The following BPI variants were observed in gnomAD, a reference collection of about 807,000 sequenced individuals.
BPI encodes the protein bactericidal permeability increasing protein.
Under a neutral mutation model 57.6 loss-of-function variants are expected in BPI, and 48 were observed. The observed-to-expected ratio is 0.83, with a 90% confidence interval of 0.66 to 1.06. The LOEUF (loss-of-function observed/expected upper bound fraction) is 1.06, where lower values mean the gene tolerates loss of function less well. Ranked by LOEUF, BPI falls within the 50% of genes least tolerant of loss-of-function variation. The pLI, the probability that BPI is intolerant of heterozygous loss-of-function variation, is 0.00. For missense variants in BPI, 651 were observed against 609.7 expected, an observed-to-expected ratio of 1.07 and a Z score of -0.71; for synonymous variants, 237 against 238.2, an observed-to-expected ratio of 0.99 and a Z score of 0.05.
chr20:38,337,233 C>T lies in BPI; in HGVS notation c.*49C>T. On this transcript the variant is annotated 3_prime_UTR_variant, in exon 15 of 15. Transcript: ENST00000642449. ...GTCAGCCACACCTGTTCCTGATGGG[C>T]TGTGGGGCACCGGCTGCCTTTCCCC... 6.7e-7 allele frequency: 1 copy of T among 1,496,202 alleles called. No homozygotes were observed. Among genetic ancestry groups the T allele is most frequent in the Non-Finnish European group, 9.0e-7 (1 of 1,108,474 alleles). The allele number at this position is 1,496,202 out of a possible 1,614,324, so 92.7% of individuals were successfully genotyped here. A position where few individuals can be genotyped will look rare whatever the true frequency, so the allele number is the denominator to read the frequency against.
intron 7 of BPI, among the ~76,000 whole-genome samples, chr20:38,322,634 G>C (rs1357526721): frequency 6.6e-6 from 1 of 152,172 alleles, no homozygotes; most frequent in Non-Finnish European, 1.5e-5. Context: ...TATTTGAGAT[G>C]GAGTTTTGTC....
At chr20:38,325,088 C>T (rs1433746912) in intron 9 of BPI, among the ~76,000 whole-genome samples, 1 of 152,142 alleles carries the variant, frequency 6.6e-6, no homozygotes, top group African/African-American at 2.4e-5. Flanking sequence ...TATTGAATGC[C>T]CACCATGTGC....
At chr20:38,314,199 A>ATGGTGG (rs2076637796) in intron 5 of BPI, among the ~76,000 whole-genome samples, 1 of 115,314 alleles carries the variant, frequency 8.7e-6, no homozygotes, top group Non-Finnish European at 1.8e-5. Flanking sequence ...GGTGATGGTG[A>ATGGTGG]TGGTGGGGAT....
chr20:38,327,747 A>ATTGT (rs2076721082), intron 11 of BPI, 92 bp downstream of exon 11: 1 of 1,434,548 alleles, frequency 7.0e-7, no homozygotes, highest in Admixed American at 1.8e-5. Flanking sequence ...GAAGCACTGC[A>ATTGT]TTGTTGTTTT....
At chr20:38,330,934 C>G in intron 11 of BPI, 114 bp from the exon 12 acceptor site, 2 of 1,233,142 alleles carry the variant, frequency 1.6e-6, no homozygotes, top group Non-Finnish European at 2.3e-6. Flanking sequence ...GGAGTGGATA[C>G]TGGGTGGGAA....
intron 5 of BPI, among the ~76,000 whole-genome samples, chr20:38,314,150 A>G (rs1467952494): frequency 1.0e-4 from 9 of 89,002 alleles, no homozygotes; most frequent in East Asian, 4.0e-4. Flanking sequence ...TGGTGGTGAG[A>G]TTGAGGATGG....
At chr20:38,336,349 C>T (rs11905005) in intron 14 of BPI, among the ~76,000 whole-genome samples, 214 of 152,208 alleles carry the variant, frequency 1.4e-3, no homozygotes, top group African/African-American at 5.0e-3. Context: ...CTGCCACCTG[C>T]GTGCCACCCA....
At chr20:38,311,777 T>C in intron 4 of BPI, 97 bp from the exon 5 acceptor site, 2 of 1,261,106 alleles carry the variant, frequency 1.6e-6, no homozygotes, top group Admixed American at 1.7e-5. Context: ...AACCTGTTTC[T>C]AGGAGGGAAG....
At position 38,311,948 on chromosome 20, in the gene BPI, C is replaced by T; in HGVS notation, c.600+11C>T. On this transcript the variant is annotated intron_variant, in intron 5 of 14. Coordinates refer to ENST00000642449, the MANE Select transcript of BPI (RefSeq NM_001725.3). Reference sequence around the variant, plus strand: ...AAGATGAACAGCCAGGTAGGAGGGGCTCAGAGCCCCATCAGCAAACAGAGG... The same window carrying T: ...AAGATGAACAGCCAGGTAGGAGGGGTTCAGAGCCCCATCAGCAAACAGAGG... 1 of 1,613,478 alleles carries T rather than the reference C, an allele frequency of 6.2e-7. No individual in the cohort carries two copies. The highest frequency in any genetic ancestry group is 8.5e-7 in the Non-Finnish European group (1 of 1,179,646).
intron 5 of BPI, among the ~76,000 whole-genome samples, chr20:38,314,445 ATAAT>A (rs1222310002): frequency 1.1e-4 from 16 of 143,466 alleles, no homozygotes; most frequent in Admixed American, 2.1e-4. Context: ...GGGGATGATT[ATAAT>A]GATGATGGTG....
chr20:38,308,966 G>C lies in BPI; in HGVS notation c.282G>C (p.Gln94His). The change falls in exon 3 of 15, where the codon CAG (glutamine) becomes CAC (histidine). Residue 94 changes from glutamine (Q) to histidine (H), a missense_variant. Physicochemically the swap from Gln to His is conservative, Grantham distance 24. Coordinates refer to ENST00000642449, the MANE Select transcript of BPI (RefSeq NM_001725.3). ...GTGAATTCCAGCTTCCCAGTTCCCA[G>C]ATAAGCATGGTGCCCAATGTGGGCC... ...DIREFQLPSS[Q>H]ISMVPNVGLK... 1 of 1,614,212 alleles carries C rather than the reference G, an allele frequency of 6.2e-7. No homozygotes were observed. The highest frequency in any genetic ancestry group is 1.7e-5 in the Admixed American group (1 of 60,028).
intron 5 of BPI, among the ~76,000 whole-genome samples, chr20:38,316,698 C>T (rs61518189): frequency 0.13 from 19,168 of 152,146 alleles, 2,149 homozygotes; most frequent in East Asian, 0.52. Context: ...GTGGGGAGCA[C>T]ACCTCAGAAT....
At chr20:38,331,147 G>C in intron 12 of BPI, 57 bp downstream of exon 12, 1 of 1,566,886 alleles carries the variant, frequency 6.4e-7, no homozygotes, top group Non-Finnish European at 8.8e-7. Flanking sequence ...GCGGGGAGGG[G>C]GACATGTCAT....
intron 5 of BPI, among the ~76,000 whole-genome samples, chr20:38,313,111 A>C (rs1289411613): frequency 6.6e-6 from 1 of 152,176 alleles, no homozygotes; most frequent in African/African-American, 2.4e-5. Context: ...TAGGCCGGGC[A>C]TGGTGGCTCA....
intron 5 of BPI, among the ~76,000 whole-genome samples, chr20:38,313,106 C>T (rs550050122): frequency 1.3e-5 from 2 of 152,184 alleles, no homozygotes; most frequent in African/African-American, 2.4e-5. Flanking sequence ...GACATTAGGC[C>T]GGGCATGGTG....
chr20:38,330,953 A>G, intron 11 of BPI, 95 bp from the exon 12 acceptor site: 1 of 1,435,052 alleles, frequency 7.0e-7, no homozygotes, highest in Non-Finnish European at 9.7e-7. Flanking sequence ...AAAACCAGAC[A>G]GTATCCACCA....
intron 5 of BPI, among the ~76,000 whole-genome samples, chr20:38,313,211 C>T (rs2076629815): frequency 6.6e-6 from 1 of 151,986 alleles, no homozygotes; most frequent in South Asian, 2.1e-4. Context: ...TGGAGAAATC[C>T]TGTCTTTACT....
chr20:38,316,159 C>T (rs891883579), intron 5 of BPI, among the ~76,000 whole-genome samples: 4 of 152,052 alleles, frequency 2.6e-5, no homozygotes, highest in Admixed American at 2.6e-4. Flanking sequence ...CCCTTTCTTC[C>T]TTCCATCCCT....
intron 9 of BPI, among the ~76,000 whole-genome samples, chr20:38,325,903 G>T (rs746566292): frequency 2.0e-5 from 3 of 152,340 alleles, no homozygotes; most frequent in Non-Finnish European, 4.4e-5. Flanking sequence ...AGCCACTACT[G>T]CTGTCTGAGA....
Sources: allele counts gnomAD v4.1 joint callset (sites outside exome capture counted in the v4.1 genomes callset), GRCh38; gene constraint gnomAD v4.1.1; transcripts MANE v1.5; gene names NCBI Gene and HGNC (gene_info 2026-07-23, HGNC 2026-07-21).